Variants in FABP7 observed in about 807,000 individuals in gnomAD.
FABP7 encodes fatty acid-binding protein, brain.
In FABP7, 13 loss-of-function variants were observed where a neutral mutation model predicts 14.2. That is an observed-to-expected ratio of 0.91 (90% confidence interval 0.59 to 1.45). The LOEUF (loss-of-function observed/expected upper bound fraction) is 1.45, where lower values mean the gene tolerates loss of function less well. FABP7 is among the 40% of genes most tolerant of loss of function. The pLI, the probability that FABP7 is intolerant of heterozygous loss-of-function variation, is 0.00. For missense variants in FABP7, 149 were observed against 157.6 expected (o/e 0.95, Z 0.29); for synonymous variants, 49 against 51.4 (o/e 0.95, Z 0.20).
chr6:122,768,445 A>T, the FABP7 span, among the ~76,000 whole-genome samples: 1 of 152,192 alleles, frequency 6.6e-6, no homozygotes, highest in Non-Finnish European at 1.5e-5. Context: ...TTACATTGGT[A>T]TATATGTTTT....
chr6:122,783,980 G>A lies in FABP7; in HGVS notation c.*213G>A. 1 of 275,824 alleles carries A rather than the reference G, an allele frequency of 3.6e-6. No individual in the cohort carries two copies. The highest frequency in any genetic ancestry group is 9.4e-5 in the Admixed American group (1 of 10,670). The allele number at this position is 275,824 out of a possible 1,614,324, so 17.1% of individuals were successfully genotyped here. A position where few individuals can be genotyped will look rare whatever the true frequency, so the allele number is the denominator to read the frequency against. ...GTTTTATAATTTGAATTAAAGTTTT[G>A]TCCCCCCCCCCCTTTTTTTTATAAA... On this transcript the variant is annotated 3_prime_UTR_variant, in exon 4 of 4. Transcript: ENST00000368444.
chr6:122,763,527 A>G, the FABP7 span, among the ~76,000 whole-genome samples: 1 of 152,240 alleles, frequency 6.6e-6, no homozygotes, highest in Non-Finnish European at 1.5e-5. Flanking sequence ...ACAAAAGCCA[A>G]AATAGACAAA....
chr6:122,754,817 T>C, the FABP7 span, among the ~76,000 whole-genome samples: 1 of 151,990 alleles, frequency 6.6e-6, no homozygotes, highest in Non-Finnish European at 1.5e-5. Flanking sequence ...TCTCTTAAAC[T>C]CAGCATCATT....
intron 3 of FABP7, chr6:122,781,911 T>C: frequency 2.3e-6 from 1 of 433,624 alleles, no homozygotes; most frequent in Non-Finnish European, 3.1e-6. Flanking sequence ...CCGGGCTAAT[T>C]TTTTTGTATT....
the FABP7 span, among the ~76,000 whole-genome samples, chr6:122,767,597 G>C: frequency 8.6e-5 from 13 of 151,796 alleles, no homozygotes; most frequent in Non-Finnish European, 1.5e-5. Flanking sequence ...GCAAGTTAAC[G>C]GTTCAAATGT....
At position 122,783,777 on chromosome 6, in the gene FABP7, T is replaced by A; in HGVS notation, c.*10T>A. On this transcript the variant is annotated 3_prime_UTR_variant, in exon 4 of 4. Coordinates refer to ENST00000368444, the MANE Select transcript of FABP7 (RefSeq NM_001446.5). ...CTATGAGAAGGCATAAAAATGTTCC[T>A]GGTCGGGGCTTGGAAGAGCTCTTCA... 1 of 1,607,022 alleles carries A rather than the reference T, an allele frequency of 6.2e-7. No homozygotes were observed. The highest frequency in any genetic ancestry group is 8.5e-7 in the Non-Finnish European group (1 of 1,176,530).
chr6:122,765,763 C>A, the FABP7 span, among the ~76,000 whole-genome samples: 1 of 151,862 alleles, frequency 6.6e-6, no homozygotes, highest in Non-Finnish European at 1.5e-5. Flanking sequence ...AAATTTCAAT[C>A]TGTTCTCTTC....
intron 3 of FABP7, 142 bp downstream of exon 3, chr6:122,781,336 A>C (rs1395933771): frequency 6.5e-7 from 1 of 1,533,952 alleles, no homozygotes; most frequent in Admixed American, 2.0e-5. Context: ...AAGGTTCTTT[A>C]ACTATATGTA....
chr6:122,753,710 A>C, the FABP7 span, among the ~76,000 whole-genome samples: 2 of 146,938 alleles, frequency 1.4e-5, no homozygotes, highest in Admixed American at 1.4e-4. Flanking sequence ...ATGAAAGTAC[A>C]CTCCACAGTG....
intron 3 of FABP7, chr6:122,782,672 A>C: frequency 4.1e-6 from 4 of 985,416 alleles, no homozygotes; most frequent in Non-Finnish European, 4.8e-6. Flanking sequence ...TGCTTTACAT[A>C]GTCCTTGTAC....
At chr6:122,782,928 A>G (rs1562340875) in intron 3 of FABP7, 1 of 985,216 alleles carries the variant, frequency 1.0e-6, no homozygotes, top group Non-Finnish European at 1.2e-6. Flanking sequence ...TTATGCTTTT[A>G]CCTCCATTTT....
chr6:122,779,737 A>G lies in FABP7; in HGVS notation c.-58A>G. The stretch of plus-strand genomic sequence containing the variant: ...AGGTGTAAAGGGTCTTCTGAGCTGC[A>G]GTGGCAATTAGACCAGAAGATCCCC... On this transcript the variant is annotated 5_prime_UTR_variant, in exon 1 of 4. Transcript: ENST00000368444. The G allele has an allele frequency of 6.6e-7, 1 of 1,524,896 alleles. No homozygotes were observed. Among genetic ancestry groups the G allele is most frequent in the Admixed American group, 1.7e-5 (1 of 59,252 alleles). 94.5% of individuals were successfully genotyped at this position (1,524,896 alleles called of 1,614,324 possible).
At chr6:122,768,691 A>G in the FABP7 span, among the ~76,000 whole-genome samples, 41 of 152,282 alleles carry the variant, frequency 2.7e-4, no homozygotes, top group Non-Finnish European at 4.6e-4. Flanking sequence ...TGGACAAGTG[A>G]TAAGATTATG....
At chr6:122,774,674 AAG>A in the FABP7 span, among the ~76,000 whole-genome samples, 1 of 152,106 alleles carries the variant, frequency 6.6e-6, no homozygotes, top group Non-Finnish European at 1.5e-5. Flanking sequence ...AGACAAGAGA[AAG>A]AAATAAAGGG....
the FABP7 span, among the ~76,000 whole-genome samples, chr6:122,751,294 G>A: frequency 6.6e-6 from 1 of 152,200 alleles, no homozygotes; most frequent in Non-Finnish European, 1.5e-5. Flanking sequence ...AAACTACACA[G>A]AATATGTAAA....
the FABP7 span, among the ~76,000 whole-genome samples, chr6:122,767,132 T>C: frequency 6.6e-6 from 1 of 152,106 alleles, no homozygotes; most frequent in Admixed American, 6.6e-5. Context: ...AAAAAGTATA[T>C]CATTTTCATG....
At chr6:122,769,530 A>C in the FABP7 span, among the ~76,000 whole-genome samples, 24 of 152,126 alleles carry the variant, frequency 1.6e-4, no homozygotes, top group African/African-American at 5.8e-4. Flanking sequence ...CGTACTGGAG[A>C]GGCAGAAATA....
chr6:122,779,885 C>A lies in FABP7; in HGVS notation c.73+18C>A. The A allele has an allele frequency of 6.2e-7, 1 of 1,609,528 alleles. No homozygotes were observed. The highest frequency in any genetic ancestry group is 8.5e-7 in the Non-Finnish European group (1 of 1,176,128). ...GGCTCTAGGTAGGTAACAATAAGAC[C>A]GGCTGTTCTCTTCTCAACGTGCAGC... is the stretch of plus-strand genomic sequence containing the variant. On this transcript the variant is annotated intron_variant, in intron 1 of 3. Coordinates refer to ENST00000368444, the MANE Select transcript of FABP7 (RefSeq NM_001446.5).
At chr6:122,760,281 T>C in the FABP7 span, among the ~76,000 whole-genome samples, 1 of 152,194 alleles carries the variant, frequency 6.6e-6, no homozygotes, top group African/African-American at 2.4e-5. Context: ...TAATTGATAC[T>C]TTAATCCTGT....
Sources: allele counts gnomAD v4.1 joint callset (sites outside exome capture counted in the v4.1 genomes callset), GRCh38; gene constraint gnomAD v4.1.1; transcripts MANE v1.5; gene names NCBI Gene and HGNC (gene_info 2026-07-23, HGNC 2026-07-21).